Variants in FAM13A observed in about 807,000 individuals in gnomAD.
FAM13A encodes protein FAM13A.
A neutral mutation model predicts 129.6 loss-of-function variants in FAM13A; 76 were observed. The observed-to-expected ratio is 0.59, with a 90% CI of 0.49 to 0.71. The LOEUF is 0.71. FAM13A is among the 30% of genes least tolerant of loss of function. FAM13A has a pLI of 0.00. For synonymous variants in FAM13A, 443 were observed against 449.9 expected (o/e 0.98, Z 0.20); for missense variants, 1,108 against 1,249.3 (o/e 0.89, Z 1.70).
intron 3 of FAM13A, among the ~76,000 whole-genome samples, chr4:89,011,921 TCACA>T (rs902344363): frequency 1.2e-4 from 19 of 152,194 alleles, no homozygotes; most frequent in Admixed American, 1.2e-3. Flanking sequence ...CTCAATTAAA[TCACA>T]CACTCCTTAA....
chr4:89,027,242 C>T (rs1560861936), intron 2 of FAM13A, among the ~76,000 whole-genome samples: 1 of 152,134 alleles, frequency 6.6e-6, no homozygotes, highest in South Asian at 2.1e-4. Context: ...GGTGCAATGG[C>T]TCACATCTAT....
At chr4:88,861,505 A>G (rs1739492954) in intron 6 of FAM13A, among the ~76,000 whole-genome samples, 1 of 152,214 alleles carries the variant, frequency 6.6e-6, no homozygotes, top group South Asian at 2.1e-4. Flanking sequence ...AATAAAAATA[A>G]TAAAAGACTG....
chr4:88,955,263 A>T (rs965897692), intron 4 of FAM13A, among the ~76,000 whole-genome samples: 2 of 152,130 alleles, frequency 1.3e-5, no homozygotes, highest in African/African-American at 4.8e-5. Context: ...CAGTTTTGAT[A>T]ACAACAGAGC....
At chr4:89,003,554 T>G (rs575364624) in intron 3 of FAM13A, among the ~76,000 whole-genome samples, 3 of 151,702 alleles carry the variant, frequency 2.0e-5, no homozygotes, top group African/African-American at 7.3e-5. Context: ...GAGGTGGAGG[T>G]TGCAGTAAGC....
intron 8 of FAM13A, among the ~76,000 whole-genome samples, chr4:88,804,787 A>G (rs541520806): frequency 1.3e-5 from 2 of 152,346 alleles, no homozygotes; most frequent in Non-Finnish European, 2.9e-5. Flanking sequence ...TTTTGAATTT[A>G]AAACAAAATG....
chr4:89,051,583 A>C (rs1771594743), intron 1 of FAM13A, among the ~76,000 whole-genome samples: 2 of 152,290 alleles, frequency 1.3e-5, no homozygotes, highest in East Asian at 3.9e-4. Flanking sequence ...TCAAAAGTCT[A>C]ACATCCAAAG....
At chr4:88,928,127 G>A (rs1752490025) in intron 5 of FAM13A, among the ~76,000 whole-genome samples, 1 of 152,050 alleles carries the variant, frequency 6.6e-6, no homozygotes, top group South Asian at 2.1e-4. Flanking sequence ...TAATTTCCAT[G>A]TGTCTGTATA....
At position 88,862,781 on chromosome 4, in the gene FAM13A, C is replaced by T. The variant is rs543477878; in HGVS notation, c.844-11598G>A. ...ACACGTATTATGAACCAGTTTTTTA[C>T]GTGTAAAAATAAATAAACAATAATA... is the stretch of plus-strand genomic sequence containing the variant. On this transcript the variant is annotated intron_variant, in intron 6 of 23. Coordinates refer to ENST00000264344, the MANE Select transcript of FAM13A (RefSeq NM_014883.4). Among the ~76,000 whole-genome samples the T allele has an allele frequency of 7.2e-5, 11 of 151,928 alleles. No homozygotes were observed. In the East Asian group the frequency reaches 1.4e-3, roughly 19 times the overall value.
At chr4:88,913,298 G>A (rs1327339791) in intron 5 of FAM13A, among the ~76,000 whole-genome samples, 5 of 140,092 alleles carry the variant, frequency 3.6e-5, no homozygotes, top group Non-Finnish European at 7.7e-5. Flanking sequence ...AGAAGAACAG[G>A]AGGAAGAGGA....
At chr4:88,940,581 A>T (rs1754588666) in intron 4 of FAM13A, among the ~76,000 whole-genome samples, 1 of 152,190 alleles carries the variant, frequency 6.6e-6, no homozygotes, top group African/African-American at 2.4e-5. Flanking sequence ...AAAGACACTA[A>T]AATTAAGAAA....
chr4:89,044,788 G>A (rs897494830), intron 1 of FAM13A, among the ~76,000 whole-genome samples: 2 of 152,064 alleles, frequency 1.3e-5, no homozygotes, highest in Admixed American at 1.3e-4. Context: ...GATGAACCCT[G>A]AAAGCATTAT....
chr4:88,893,668 A>ATAAATAAG (rs1745788504), intron 6 of FAM13A, among the ~76,000 whole-genome samples: 2 of 128,978 alleles, frequency 1.6e-5, no homozygotes, highest in Non-Finnish European at 3.4e-5. Flanking sequence ...AAATAAATAA[A>ATAAATAAG]TAAGCCGGGC....
At chr4:89,010,407 C>T (rs1765579094) in intron 3 of FAM13A, among the ~76,000 whole-genome samples, 2 of 152,132 alleles carry the variant, frequency 1.3e-5, no homozygotes, top group Admixed American at 1.3e-4. Flanking sequence ...GGGCTAAGTC[C>T]CAAATTTGCC....
chr4:88,902,509 C>A (rs1747451143), intron 6 of FAM13A, among the ~76,000 whole-genome samples: 1 of 151,282 alleles, frequency 6.6e-6, no homozygotes, highest in Non-Finnish European at 1.5e-5. Flanking sequence ...AAAAAAAAAA[C>A]ACTTGATTAT....
At chr4:88,901,304 C>T (rs1747262319) in intron 6 of FAM13A, among the ~76,000 whole-genome samples, 1 of 152,082 alleles carries the variant, frequency 6.6e-6, no homozygotes, top group South Asian at 2.1e-4. Flanking sequence ...TGATAGATAC[C>T]TACAGAACTC....
In FAM13A at chr4:88,750,608, G is replaced by A. The variant is rs755118899; in HGVS notation, c.1756C>T (p.Arg586Trp). ...EPIPAFSSWQ[R>W]ENSDSDEAHL... ...GCTTCATCAGAGTCACTGTTCTCCC[G>A]CTGCCAGGAGGAGAAAGCAGGGATA... The change falls in exon 15 of 24, where the codon CGG becomes TGG. Residue 586 changes from arginine to tryptophan, a missense_variant. Arg to Trp is a moderately radical substitution (Grantham distance 101). Coordinates refer to ENST00000264344, the MANE Select transcript of FAM13A (RefSeq NM_014883.4). 2.4e-5 allele frequency: 39 copies of A among 1,613,804 alleles called. No homozygotes were observed. Among genetic ancestry groups the A allele is most frequent in the Non-Finnish European group, 3.0e-5 (35 of 1,179,962 alleles).
rs547324718 is a variant in FAM13A at position 88,974,091 on chromosome 4, T to A, written c.605+16882A>T. 2.6e-5 allele frequency among the ~76,000 whole-genome samples: 4 copies of A among 152,348 alleles called. No homozygotes were observed. In the South Asian group the frequency reaches 8.3e-4, roughly 32 times the overall value. On this transcript the variant is annotated intron_variant, in intron 4 of 23. Transcript: ENST00000264344. ...CCATGTCAGAAGCATGAAGGGATTT[T>A]TCTCCAGTATTCACTGTGAGAATCG...
At chr4:88,901,031 T>TA (rs1747216886) in intron 6 of FAM13A, among the ~76,000 whole-genome samples, 1 of 151,572 alleles carries the variant, frequency 6.6e-6, no homozygotes, top group Non-Finnish European at 1.5e-5. Flanking sequence ...CCAACAACAA[T>TA]AAAAAAAGAC....
In FAM13A at chr4:88,771,535, T is replaced by C. The variant is rs112629619; in HGVS notation, c.1459-3476A>G. On this transcript the variant is annotated intron_variant, in intron 11 of 23. Transcript: ENST00000264344. Reference sequence around the variant, plus strand: ...ACATCCCTACCAGGCGTAGTAAGAGTAGTCCATTAATGTTTTCATTGATTA... The same window carrying C: ...ACATCCCTACCAGGCGTAGTAAGAGCAGTCCATTAATGTTTTCATTGATTA... Among the ~76,000 whole-genome samples the C allele has an allele frequency of 1.4e-3, 220 of 152,264 alleles. 1 individual carries two copies. The highest frequency in any genetic ancestry group is 4.7e-4 in the Non-Finnish European group (32 of 67,986).
Sources: gnomAD v4.1 joint callset for allele counts (sites outside exome capture counted in the v4.1 genomes callset) on GRCh38, gnomAD v4.1.1 for gene constraint, MANE v1.5 for transcripts, NCBI Gene and HGNC (gene_info 2026-07-23, HGNC 2026-07-21) for gene names.